The following HCFC2 variants were observed in gnomAD, a reference collection of about 807,000 sequenced individuals.
The protein encoded by HCFC2 is host cell factor 2.
HCFC2 carries 18 observed loss-of-function variants against 89.2 expected under a neutral mutation model. That is an observed-to-expected ratio of 0.20 (90% CI 0.14 to 0.30). HCFC2 has a LOEUF of 0.30. Ranked by LOEUF, HCFC2 falls within the 10% of genes least tolerant of loss-of-function variation. The pLI, the probability that HCFC2 is intolerant of heterozygous loss-of-function variation, is 1.00. For synonymous variants in HCFC2, 308 were observed against 335.7 expected, an observed-to-expected ratio of 0.92 and a Z score of 0.90; for missense variants, 578 against 956.1, an observed-to-expected ratio of 0.60 and a Z score of 5.21.
intron 8 of HCFC2, among the ~76,000 whole-genome samples, chr12:104,087,449 G>A (rs1450643673): frequency 2.4e-5 from 2 of 84,578 alleles, no homozygotes; most frequent in African/African-American, 8.8e-5. Flanking sequence ...GTGTATGTGT[G>A]TGTGTATATA....
In HCFC2 at chr12:104,095,774, A is replaced by G. The variant is rs147223957; in HGVS notation, c.1666+211A>G. ...TTTTAGTTTTTGTTTTCTTTCTATC[A>G]TGACTTTATGGATTTTGACCATATA... On this transcript the variant is annotated intron_variant, in intron 11 of 14. Transcript: ENST00000229330. The surrounding 1 kb of genome is among the most constrained non-coding windows in gnomAD (Gnocchi z 4.2). Among the ~76,000 whole-genome samples, 1 of 152,240 alleles carries G rather than the reference A, an allele frequency of 6.6e-6. No homozygotes were observed. The highest frequency in any genetic ancestry group is 1.5e-5 in the Non-Finnish European group (1 of 68,006).
chr12:104,064,588 A>C lies in HCFC2; in HGVS notation c.28A>C (p.Arg10=), dbSNP rs1214288543. MAAPSLLNW[R]RVSSFTGPVP... ...GGCGGCTCCCAGCCTCCTCAACTGG[A>C]GGCGAGTTTCTTCCTTCACGGGGCC... Residue 10 remains arginine (R), a synonymous_variant, in exon 1 of 15, where the codon AGG becomes CGG. Transcript: ENST00000229330. The surrounding 1 kb of genome is among the most constrained non-coding windows in gnomAD (Gnocchi z 7.3). 1.3e-6 allele frequency: 2 copies of C among 1,565,630 alleles called. No individual in the cohort carries two copies. The highest frequency in any genetic ancestry group is 1.9e-5 in the Admixed American group (1 of 52,992).
intron 9 of HCFC2, among the ~76,000 whole-genome samples, chr12:104,093,004 A>G (rs1319607425): frequency 6.6e-6 from 1 of 152,176 alleles, no homozygotes; most frequent in Non-Finnish European, 1.5e-5. Context: ...TTTTGTAGTT[A>G]TCATATTTTT....
Position 104,097,496 on chromosome 12 carries a change from C to CT in HCFC2, c.1741-837dup, listed in dbSNP as rs11325181. 5.9e-4 allele frequency: 96 copies of CT among 163,864 alleles called. 1 individual carries two copies. The highest frequency in any genetic ancestry group is 5.8e-3 in the Middle Eastern group (2 of 344). 10.2% of individuals were successfully genotyped at this position (163,864 alleles called of 1,614,324 possible). ...AATGAAAACAAGTTTAAAGCTATTA[C>CT]TTTTTTTTTTAACTTTAAAGACTCT... is the stretch of plus-strand genomic sequence containing the variant. On this transcript the variant is annotated intron_variant, in intron 12 of 14. Transcript: ENST00000229330.
At chr12:104,084,753 G>A (rs962851236) in intron 7 of HCFC2, among the ~76,000 whole-genome samples, 7 of 152,136 alleles carry the variant, frequency 4.6e-5, no homozygotes, top group South Asian at 2.1e-4. Flanking sequence ...TCAAAAAAGC[G>A]TTTTAGACTA....
Position 104,069,466 on chromosome 12 carries a change from A to G in HCFC2, c.473+1359A>G, listed in dbSNP as rs11111886. ...TTCCCCATTTCCTTCCCTTCCTGTC[A>G]CTCTGACCCTGGTAACCACTGTTTT... is the stretch of plus-strand genomic sequence containing the variant. On this transcript the variant is annotated intron_variant, in intron 3 of 14. Transcript: ENST00000229330. Among the ~76,000 whole-genome samples, 1,121 of 146,890 alleles carry G rather than the reference A, an allele frequency of 7.6e-3. 8 individuals are homozygous for G. The highest frequency in any genetic ancestry group is 0.011 in the Middle Eastern group (3 of 282).
At chr12:104,067,901 C>T (rs1883199422) in intron 2 of HCFC2, 46 bp from the exon 3 acceptor site, 5 of 1,527,972 alleles carry the variant, frequency 3.3e-6, no homozygotes, top group East Asian at 4.7e-5. Context: ...TATAGGAGTG[C>T]TTTCTTGATT....
Position 104,096,448 on chromosome 12 carries a change from T to C in HCFC2, c.1740+15T>C, listed in dbSNP as rs776073218. The C allele has an allele frequency of 3.8e-6, 6 of 1,568,332 alleles. No homozygotes were observed. Among genetic ancestry groups the C allele is most frequent in the Admixed American group, 1.7e-5 (1 of 59,258 alleles). ...CGCCGTTTTCTGTAAGTACATGACC[T>C]GGTGATGATGCATGTTTACACATGA... On this transcript the variant is annotated intron_variant, in intron 12 of 14. Coordinates refer to ENST00000229330, the MANE Select transcript of HCFC2 (RefSeq NM_013320.3).
chr12:104,073,887 T>A (rs1883417603), intron 3 of HCFC2, among the ~76,000 whole-genome samples: 1 of 152,198 alleles, frequency 6.6e-6, no homozygotes, highest in Admixed American at 6.5e-5. Context: ...TAAAGTTTTA[T>A]TGGAACACAG....
rs760484437 is a variant in HCFC2 at position 104,102,945 on chromosome 12, C to G, written c.2065-14C>G. On this transcript the variant is annotated splice_polypyrimidine_tract_variant and intron_variant, in intron 14 of 14. Coordinates refer to ENST00000229330, the MANE Select transcript of HCFC2 (RefSeq NM_013320.3). ...TTAAGAACCTTTAACCTGTTTTTTC[C>G]CCCCCCCTTCAAGAATGTTGAAGGT... 18 of 1,573,174 alleles carry G rather than the reference C, an allele frequency of 1.1e-5. No homozygotes were observed. Among genetic ancestry groups the G allele is most frequent in the Middle Eastern group, 1.7e-4 (1 of 5,892 alleles).
At chr12:104,088,445 T>C (rs1176651820) in intron 9 of HCFC2, among the ~76,000 whole-genome samples, 1 of 152,252 alleles carries the variant, frequency 6.6e-6, no homozygotes, top group Non-Finnish European at 1.5e-5. Context: ...AAAATATGTA[T>C]AAAATATTTT....
rs182840271 is a variant in HCFC2 at position 104,086,050 on chromosome 12, T to C, written c.1064-797T>C. Among the ~76,000 whole-genome samples the C allele has an allele frequency of 1.8e-3, 264 of 144,828 alleles. 1 individual carries two copies. Among genetic ancestry groups the C allele is most frequent in the African/African-American group, 6.5e-3 (254 of 38,940 alleles). On this transcript the variant is annotated intron_variant, in intron 7 of 14. Transcript: ENST00000229330. ...TCTCACTCTGCCGCCCAGGCTGGAG[T>C]GCAGTGTTGCGACCTCGGCTCACTG...
chr12:104,098,317 A>G, intron 12 of HCFC2, 26 bp from the exon 13 acceptor site: 1 of 1,577,824 alleles, frequency 6.3e-7, no homozygotes, highest in South Asian at 1.2e-5. Context: ...AAGAGTCTTC[A>G]TAAATTTTTT....
At position 104,068,104 on chromosome 12, in the gene HCFC2, C is replaced by G. The variant is rs1283314478; in HGVS notation, c.470C>G (p.Pro157Arg). Residue 157 changes from proline to arginine, a missense_variant, in exon 3 of 15, where the codon CCC (proline) becomes CGC (arginine). Pro to Arg is a moderately radical substitution (Grantham distance 103). This residue lies in a region of HCFC2 where 206 missense variants were observed against 419.2 expected (regional missense o/e 0.49). Coordinates refer to ENST00000229330, the MANE Select transcript of HCFC2 (RefSeq NM_013320.3). This position sits in a 1 kb window ranked among gnomAD's most constrained non-coding sequence, Gnocchi z 4.1. ...NESEDSNNNV[P>R]RYLNDFYELE... is the part of the protein sequence containing the mutation. ...AGCGAAGATTCAAACAATAATGTTCCCAGGTATGCTGACTCTTTCAGACCA... is the reference window on the plus strand; with the variant it reads ...AGCGAAGATTCAAACAATAATGTTCGCAGGTATGCTGACTCTTTCAGACCA... 1 of 1,586,500 alleles carries G rather than the reference C, an allele frequency of 6.3e-7. No individual in the cohort carries two copies.
intron 5 of HCFC2, among the ~76,000 whole-genome samples, 179 bp from the exon 6 acceptor site, chr12:104,082,321 C>T (rs949066206): frequency 2.0e-5 from 3 of 152,118 alleles, no homozygotes; most frequent in Non-Finnish European, 4.4e-5. Flanking sequence ...AAATTGTAAA[C>T]TCTTGAAAAA....
intron 3 of HCFC2, among the ~76,000 whole-genome samples, chr12:104,075,338 GTTATT>G (rs1355090354): frequency 6.7e-6 from 1 of 149,268 alleles, no homozygotes; most frequent in Non-Finnish European, 1.5e-5. Flanking sequence ...CTAGTGATTT[GTTATT>G]TTATTTATTT....
At chr12:104,067,114 C>T (rs1346755429) in intron 2 of HCFC2, among the ~76,000 whole-genome samples, 2 of 152,134 alleles carry the variant, frequency 1.3e-5, no homozygotes, top group African/African-American at 4.8e-5. Context: ...TTAAGTACTG[C>T]AGGACTCACA....
intron 10 of HCFC2, among the ~76,000 whole-genome samples, chr12:104,094,524 C>T (rs138122948): frequency 6.6e-6 from 1 of 151,928 alleles, no homozygotes; most frequent in East Asian, 1.9e-4. Context: ...AATAAATATA[C>T]GTCATAGGAA....
chr12:104,078,555 C>T (rs1418705590), intron 3 of HCFC2, among the ~76,000 whole-genome samples: 4 of 152,154 alleles, frequency 2.6e-5, no homozygotes, highest in Non-Finnish European at 4.4e-5. Context: ...ATTGCTATGA[C>T]ATTATAGTGA....
Sources: gnomAD v4.1 joint callset for allele counts (sites outside exome capture counted in the v4.1 genomes callset) on GRCh38, gnomAD v4.1.1 for gene constraint, gnomAD v4.1.1 regional missense constraint, Gnocchi (gnomAD v3.1) non-coding constraint, MANE v1.5 for transcripts, NCBI Gene and HGNC (gene_info 2026-07-23, HGNC 2026-07-21) for gene names.